GMDS: variants seen among roughly 807,000 people sequenced by gnomAD.
GMDS encodes the protein GDP-mannose 4,6-dehydratase, also known as GDP-mannose 4,6 dehydratase.
GMDS carries 20 observed loss-of-function variants against 49.9 expected under a neutral mutation model. That is an observed-to-expected ratio of 0.40 (90% CI 0.28 to 0.58). GMDS has a LOEUF of 0.58. GMDS is among the 20% of genes least tolerant of loss of function. GMDS has a pLI of 0.42. For missense variants in GMDS, 362 were observed against 481.4 expected (o/e 0.75, Z 2.32); for synonymous variants, 177 against 178.6 (o/e 0.99, Z 0.07).
intron 4 of GMDS, among the ~76,000 whole-genome samples, chr6:2,001,972 C>T (rs1219376365): frequency 6.6e-6 from 1 of 152,110 alleles, no homozygotes; most frequent in Non-Finnish European, 1.5e-5. Context: ...TTTACTGTGG[C>T]TTTACTATTC....
chr6:1,772,765 G>T (rs1168695278), intron 7 of GMDS, among the ~76,000 whole-genome samples: 2 of 152,210 alleles, frequency 1.3e-5, no homozygotes, highest in African/African-American at 4.8e-5. Flanking sequence ...AACAAGCATG[G>T]ACTCAGGGTC....
intron 4 of GMDS, among the ~76,000 whole-genome samples, chr6:2,019,080 TTAA>T (rs747356812): frequency 6.6e-6 from 1 of 151,658 alleles, no homozygotes; most frequent in Non-Finnish European, 1.5e-5. Context: ...TCCCTGATGG[TTAA>T]TAATGTTTTT....
chr6:1,652,364 C>T (rs182599439), intron 9 of GMDS, among the ~76,000 whole-genome samples: 2,257 of 16,220 alleles, frequency 0.14, 104 homozygotes, highest in Non-Finnish European at 0.22. Flanking sequence ...AAGAGTGAAA[C>T]TCCGCTAAAA....
intron 7 of GMDS, among the ~76,000 whole-genome samples, chr6:1,913,432 T>C (rs1174309505): frequency 1.4e-5 from 2 of 147,932 alleles, no homozygotes; most frequent in Non-Finnish European, 3.0e-5. Flanking sequence ...GTGGTAAAAA[T>C]GTCTGGATTA....
intron 1 of GMDS, among the ~76,000 whole-genome samples, chr6:2,168,550 T>C (rs1300582240): frequency 2.0e-5 from 3 of 152,362 alleles, no homozygotes; most frequent in Non-Finnish European, 2.9e-5. Context: ...TGAGAGAGGA[T>C]ACACTGTAGA....
chr6:1,939,502 C>T (rs1561907375), intron 6 of GMDS, among the ~76,000 whole-genome samples: 1 of 151,690 alleles, frequency 6.6e-6, no homozygotes. Context: ...TACATATACA[C>T]ACATGCATAT....
chr6:2,182,263 G>C lies in GMDS; in HGVS notation c.103-57532C>G, dbSNP rs567686576. ...GGAAGCTAGCACAGGTTGGTTCATG[G>C]GGCCAAAGTGAAAAAACTATCTCCA... On this transcript the variant is annotated intron_variant, in intron 1 of 10. Coordinates refer to ENST00000380815, the MANE Select transcript of GMDS (RefSeq NM_001500.4). Among the ~76,000 whole-genome samples, 11 of 152,334 alleles carry C rather than the reference G, an allele frequency of 7.2e-5. No homozygotes were observed. In the South Asian group the frequency reaches 2.3e-3, roughly 32 times the overall value.
intron 1 of GMDS, among the ~76,000 whole-genome samples, chr6:2,127,391 T>C (rs1005875483): frequency 3.6e-5 from 5 of 139,122 alleles, no homozygotes; most frequent in Admixed American, 7.8e-5. Flanking sequence ...TGTTCTACCA[T>C]AGCTACATTA....
chr6:1,634,148 T>C (rs1763075498), intron 9 of GMDS, among the ~76,000 whole-genome samples: 1 of 152,140 alleles, frequency 6.6e-6, no homozygotes, highest in African/African-American at 2.4e-5. Context: ...TAAAAGCACC[T>C]GGCGACTCAG....
intron 7 of GMDS, among the ~76,000 whole-genome samples, chr6:1,872,659 C>T (rs1308133648): frequency 6.6e-6 from 1 of 152,222 alleles, no homozygotes; most frequent in Non-Finnish European, 1.5e-5. Flanking sequence ...TCAGTTGATC[C>T]TAATAAGTCA....
At chr6:1,936,472 A>T (rs1438466830) in intron 6 of GMDS, among the ~76,000 whole-genome samples, 1 of 152,174 alleles carries the variant, frequency 6.6e-6, no homozygotes, top group Non-Finnish European at 1.5e-5. Context: ...GCCACAAGGC[A>T]AGGGAATAAT....
At position 1,960,736 on chromosome 6, in the gene GMDS, C is replaced by T. The variant is rs555623761; in HGVS notation, c.538+38G>A. The T allele has an allele frequency of 3.9e-5, 53 of 1,367,766 alleles. No homozygotes were observed. In the East Asian group the frequency reaches 6.5e-4, roughly 17 times the overall value. The allele number at this position is 1,367,766 out of a possible 1,614,324, so 84.7% of individuals were successfully genotyped here. ...ACACACCCCCCACACCCACAGATAACGCCACACATGTGCTCCGGTGTGCAC... is the reference window on the plus strand; with the variant it reads ...ACACACCCCCCACACCCACAGATAATGCCACACATGTGCTCCGGTGTGCAC... On this transcript the variant is annotated intron_variant, in intron 5 of 10. Transcript: ENST00000380815.
Position 1,872,493 on chromosome 6 carries a change from T to C in GMDS, c.771+57610A>G, listed in dbSNP as rs1191109279. On this transcript the variant is annotated intron_variant, in intron 7 of 10. Coordinates refer to ENST00000380815, the MANE Select transcript of GMDS (RefSeq NM_001500.4). The stretch of plus-strand genomic sequence containing the variant: ...AATCGCTCTGTCAGAACTAACTCTT[T>C]TTGCAGGGATATGATAGTCCTATGG... Among the ~76,000 whole-genome samples, 5 of 152,238 alleles carry C rather than the reference T, an allele frequency of 3.3e-5. No homozygotes were observed. In the East Asian group the frequency reaches 5.8e-4, roughly 18 times the overall value.
rs6937672 is a variant in GMDS at position 1,801,698 on chromosome 6, C to T, written c.772-59112G>A. On this transcript the variant is annotated intron_variant, in intron 7 of 10. Coordinates refer to ENST00000380815, the MANE Select transcript of GMDS (RefSeq NM_001500.4). ...GAGGCCTGGCTCTGGCGGGCAGCCCCGGGCACAAGCCCCACATTTTTCCAA... is the reference window on the plus strand; with the variant it reads ...GAGGCCTGGCTCTGGCGGGCAGCCCTGGGCACAAGCCCCACATTTTTCCAA... Among the ~76,000 whole-genome samples the T allele has an allele frequency of 8.4e-3, 1,276 of 152,332 alleles. 16 individuals carry two copies. The highest frequency in any genetic ancestry group is 0.029 in the African/African-American group (1,204 of 41,560).
intron 7 of GMDS, among the ~76,000 whole-genome samples, chr6:1,906,622 G>C (rs980874439): frequency 6.6e-6 from 1 of 152,128 alleles, no homozygotes; most frequent in African/African-American, 2.4e-5. Flanking sequence ...AGAGGTTAGT[G>C]GGGTGTGAAG....
intron 8 of GMDS, among the ~76,000 whole-genome samples, chr6:1,737,790 CACAT>C (rs61164673): frequency 0.42 from 60,096 of 143,378 alleles, 13,066 homozygotes; most frequent in East Asian, 0.64. Context: ...CATACATACA[CACAT>C]ACATACACAC....
At chr6:1,771,820 A>T (rs1331933037) in intron 7 of GMDS, among the ~76,000 whole-genome samples, 3 of 152,240 alleles carry the variant, frequency 2.0e-5, no homozygotes, top group Non-Finnish European at 2.9e-5. Context: ...CTATTGGTAC[A>T]GTATGATGCT....
At chr6:2,099,562 T>A (rs1773805314) in intron 4 of GMDS, among the ~76,000 whole-genome samples, 1 of 152,122 alleles carries the variant, frequency 6.6e-6, no homozygotes, top group African/African-American at 2.4e-5. Flanking sequence ...ACAAATCAAC[T>A]TCTTCATTCA....
chr6:1,786,120 G>GA (rs1769308962), intron 7 of GMDS, among the ~76,000 whole-genome samples: 1 of 152,232 alleles, frequency 6.6e-6, no homozygotes, highest in South Asian at 2.1e-4. Flanking sequence ...GAAGGTCTTG[G>GA]AAAGTCTTTC....
Sources: allele counts gnomAD v4.1 joint callset (sites outside exome capture counted in the v4.1 genomes callset), GRCh38; gene constraint gnomAD v4.1.1; transcripts MANE v1.5; gene names NCBI Gene and HGNC (gene_info 2026-07-23, HGNC 2026-07-21).